PIGG: variants seen among roughly 807,000 people sequenced by gnomAD.
PIGG encodes the protein phosphatidylinositol glycan anchor biosynthesis class G (EMM blood group), also known as GPI ethanolamine phosphate transferase 2, catalytic subunit.
PIGG carries 70 observed loss-of-function variants against 83.2 expected under a neutral mutation model. The ratio of observed to expected loss-of-function variants is 0.84; its 90% CI spans 0.69 to 1.03. The LOEUF is 1.03. Ranked by LOEUF, PIGG falls within the 50% of genes least tolerant of loss-of-function variation. The probability of loss-of-function intolerance (pLI) is 0.00; values close to 1 mark genes in which losing one functional copy is unlikely to be tolerated. For synonymous variants in PIGG, 532 were observed against 519.5 expected, an observed-to-expected ratio of 1.02 and a Z score of -0.33; for missense variants, 1,257 against 1,233.6, an observed-to-expected ratio of 1.02 and a Z score of -0.28.
chr4:509,237 G>A (rs1560291347), intron 5 of PIGG, among the ~76,000 whole-genome samples: 1 of 152,220 alleles, frequency 6.6e-6, no homozygotes, highest in Non-Finnish European at 1.5e-5. Flanking sequence ...AAAATTGCCA[G>A]TAGCTCAGAG....
chr4:499,933 C>T (rs546686599), intron 1 of PIGG: 1 of 225,224 alleles, frequency 4.4e-6, no homozygotes, highest in African/African-American at 2.3e-5. Context: ...GGGCTAAGGC[C>T]TCTCTGCGTT....
At chr4:500,087 G>C (rs1260007302) in intron 1 of PIGG, 3 of 331,688 alleles carry the variant, frequency 9.0e-6, no homozygotes, top group Admixed American at 4.5e-5. Context: ...GCAGCTCTGC[G>C]TTTTAGGTCA....
Position 505,891 on chromosome 4 carries a change from T to A in PIGG, c.534T>A (p.Asp178Glu). 6.2e-7 allele frequency: 1 copy of A among 1,613,218 alleles called. No individual in the cohort carries two copies. The highest frequency in any genetic ancestry group is 8.5e-7 in the Non-Finnish European group (1 of 1,179,828). ...KLFPKHFVEYDGTTSFFVSDY... is the reference protein window; with the variant it reads ...KLFPKHFVEYEGTTSFFVSDY... ...TCCCAAAGCATTTTGTGGAATATGA[T>A]GGAACAACCTCATTTTTCGTGTCAG... The change falls in exon 3 of 13, where the codon GAT (aspartate) becomes GAA (glutamate). Residue 178 changes from aspartate to glutamate, a missense_variant. Asp to Glu is a conservative substitution (Grantham distance 45). Transcript: ENST00000453061.
At chr4:503,845 TACACACACACACACACACACACAC>T (rs56841358) in intron 2 of PIGG, among the ~76,000 whole-genome samples, 1 of 145,606 alleles carries the variant, frequency 6.9e-6, no homozygotes, top group Non-Finnish European at 1.5e-5. Flanking sequence ...TGTGATTTTA[TACACACACACACACACACACACAC>T]ACACACACAC....
intron 5 of PIGG, among the ~76,000 whole-genome samples, chr4:512,673 G>T (rs1390294322): frequency 1.3e-5 from 2 of 151,800 alleles, no homozygotes; most frequent in Non-Finnish European, 2.9e-5. Context: ...AAATTAGCCA[G>T]ATGTGGTGGT....
chr4:516,810 C>T (rs184945252), intron 6 of PIGG, among the ~76,000 whole-genome samples: 16 of 146,144 alleles, frequency 1.1e-4, no homozygotes, highest in African/African-American at 3.3e-4. Flanking sequence ...GAACTGAGAT[C>T]GCGCTACTGC....
chr4:507,514 C>G lies in PIGG; in HGVS notation c.680C>G (p.Pro227Arg), dbSNP rs1720144373. 1 of 1,614,004 alleles carries G rather than the reference C, an allele frequency of 6.2e-7. No individual in the cohort carries two copies. Among genetic ancestry groups the G allele is most frequent in the Non-Finnish European group, 8.5e-7 (1 of 1,179,980 alleles). Reference sequence around the variant, plus strand: ...GACCACATTGGCCACATTTCAGGGCCCAACAGCCCCCTGATTGGGCAGAAG... The same window carrying G: ...GACCACATTGGCCACATTTCAGGGCGCAACAGCCCCCTGATTGGGCAGAAG... ...GLDHIGHISGPNSPLIGQKLS... is the reference protein window; with the variant it reads ...GLDHIGHISGRNSPLIGQKLS... Residue 227 changes from proline (P) to arginine (R), a missense_variant, in exon 4 of 13, where the codon CCC (proline) becomes CGC (arginine). Transcript: ENST00000453061.
In PIGG at chr4:527,195, G is replaced by A. The variant is rs1471229118; in HGVS notation, c.2226G>A (p.Arg742=). The A allele has an allele frequency of 1.9e-6, 3 of 1,605,858 alleles. No individual in the cohort carries two copies. Among genetic ancestry groups the A allele is most frequent in the Non-Finnish European group, 1.7e-6 (2 of 1,176,004 alleles). The part of the protein sequence containing the change: ...YCYRAAIGSV[R]FPWRPDSKDI... Reference sequence around the variant, plus strand: ...ACCGGGCGGCCATCGGGAGTGTCCGGTTCCCGTGGCGGCCGGACAGCAAGG... The same window carrying A: ...ACCGGGCGGCCATCGGGAGTGTCCGATTCCCGTGGCGGCCGGACAGCAAGG... The change falls in exon 10 of 13, where the codon CGG becomes CGA. Residue 742 remains arginine, a synonymous_variant. Transcript: ENST00000453061.
intron 12 of PIGG, 35 bp downstream of exon 12, chr4:534,016 G>A (rs1729748153): frequency 1.2e-6 from 2 of 1,600,736 alleles, no homozygotes; most frequent in African/African-American, 1.3e-5. Flanking sequence ...ACAGTTCTGG[G>A]GGCCGGCTGC....
rs544498507 is a variant in PIGG, at chr4:517,359, C to T, written c.1114+1174C>T. Among the ~76,000 whole-genome samples the T allele has an allele frequency of 4.6e-5, 7 of 152,220 alleles. 1 individual carries two copies. In the South Asian group the frequency reaches 6.2e-4, roughly 14 times the overall value. ...AGGTCATGAAGACAGGATTTGCTCA[C>T]GTGCTGCGATATTGGGTACGAGCAG... On this transcript the variant is annotated intron_variant, in intron 6 of 12. Coordinates refer to ENST00000453061, the MANE Select transcript of PIGG (RefSeq NM_001127178.3).
At chr4:499,516 C>A (rs782173443) in intron 1 of PIGG, 27 bp downstream of exon 1, 3 of 1,572,576 alleles carry the variant, frequency 1.9e-6, no homozygotes, top group South Asian at 1.1e-5. Context: ...GGCGTCTCCG[C>A]TCCCCTGACC....
chr4:521,618 C>T (rs1323979416), intron 7 of PIGG, 42 bp from the exon 8 acceptor site: 2 of 1,593,324 alleles, frequency 1.3e-6, no homozygotes, highest in Admixed American at 1.7e-5. Flanking sequence ...TGGGTTTCTC[C>T]AAGCCCAGCA....
chr4:503,845 TAC>T (rs56841358), intron 2 of PIGG, among the ~76,000 whole-genome samples: 39,909 of 145,408 alleles, frequency 0.27, 5,713 homozygotes, highest in East Asian at 0.34. Context: ...TGTGATTTTA[TAC>T]ACACACACAC....
intron 2 of PIGG, among the ~76,000 whole-genome samples, chr4:502,979 C>T (rs1232429864): frequency 1.3e-5 from 2 of 151,856 alleles, no homozygotes; most frequent in South Asian, 2.1e-4. Context: ...GAGTATATAA[C>T]GGAATCCACC....
rs1577182613 is a variant in PIGG at position 539,816 on chromosome 4, T to TA, written c.*453dup. The TA allele has an allele frequency of 6.5e-6, 1 of 153,528 alleles. No homozygotes were observed. The highest frequency in any genetic ancestry group is 2.4e-5 in the African/African-American group (1 of 41,466). 9.5% of individuals were successfully genotyped at this position (153,528 alleles called of 1,614,324 possible). A position where few individuals can be genotyped will look rare whatever the true frequency, so the allele number is the denominator to read the frequency against. On this transcript the variant is annotated 3_prime_UTR_variant, in exon 13 of 13. Transcript: ENST00000453061. ...ATGGCATTTGAGATGAAAACTAAGA[T>TA]AAAAAAGTATTCATTTATAAGGAAT...
chr4:499,807 G>A lies in PIGG; in HGVS notation c.154+318G>A, dbSNP rs782440721. 9.0e-4 allele frequency: 991 copies of A among 1,098,602 alleles called. 2 individuals carry two copies. Among genetic ancestry groups the A allele is most frequent in the Non-Finnish European group, 1.1e-3 (938 of 867,620 alleles). The allele number at this position is 1,098,602 out of a possible 1,614,324, so 68.1% of individuals were successfully genotyped here. A position where few individuals can be genotyped will look rare whatever the true frequency, so the allele number is the denominator to read the frequency against. On this transcript the variant is annotated intron_variant, in intron 1 of 12. Coordinates refer to ENST00000453061, the MANE Select transcript of PIGG (RefSeq NM_001127178.3). ...CCGCCCCTTTCCTGAGCAGCCTTTG[G>A]GTCACTCCCCGTTATAGGCGCCCTT...
chr4:506,046 G>A (rs1719567997), intron 3 of PIGG, 119 bp downstream of exon 3: 7 of 694,320 alleles, frequency 1.0e-5, no homozygotes, highest in Admixed American at 2.8e-5. Flanking sequence ...AATTTATAGG[G>A]AGTACTATGG....
At position 533,801 on chromosome 4, in the gene PIGG, C is replaced by T. The variant is rs1279682903; in HGVS notation, c.2572-17C>T. 9 of 1,613,390 alleles carry T rather than the reference C, an allele frequency of 5.6e-6. No individual in the cohort carries two copies. Among genetic ancestry groups the T allele is most frequent in the Non-Finnish European group, 7.6e-6 (9 of 1,179,430 alleles). ...ACGTGTTGTGAGGCCTTTGTCAGCT[C>T]TTCTCCTGTATTCCAGGGCAACTCC... On this transcript the variant is annotated splice_polypyrimidine_tract_variant and intron_variant, in intron 11 of 12. Coordinates refer to ENST00000453061, the MANE Select transcript of PIGG (RefSeq NM_001127178.3).
intron 5 of PIGG, among the ~76,000 whole-genome samples, chr4:511,033 C>G (rs1456385451): frequency 1.3e-5 from 2 of 152,146 alleles, no homozygotes; most frequent in African/African-American, 4.8e-5. Flanking sequence ...GTGGCTCTCA[C>G]CTGTAATCCC....
Sources: gnomAD v4.1 joint callset for allele counts (sites outside exome capture counted in the v4.1 genomes callset) on GRCh38, gnomAD v4.1.1 for gene constraint, MANE v1.5 for transcripts, NCBI Gene and HGNC (gene_info 2026-07-23, HGNC 2026-07-21) for gene names.